Variants in RCL1 observed in about 807,000 individuals in gnomAD.
RCL1 encodes RNA terminal phosphate cyclase like 1.
RCL1 carries 24 observed loss-of-function variants against 42.4 expected under a neutral mutation model. That is an observed-to-expected ratio of 0.57 (90% CI 0.41 to 0.80). The LOEUF is 0.80. Ranked by LOEUF, RCL1 falls within the 30% of genes least tolerant of loss-of-function variation. RCL1 has a pLI of 0.00. For synonymous variants in RCL1, 228 were observed against 177.3 expected (o/e 1.29, Z -2.27); for missense variants, 578 against 467.9 (o/e 1.24, Z -2.17).
chr9:4,798,878 C>CTTTTTTTTTTTTTTTTTTTTTTTTTT (rs33938649), intron 1 of RCL1, among the ~76,000 whole-genome samples: 1 of 139,800 alleles, frequency 7.2e-6, no homozygotes. Context: ...AAGACTTCTT[C>CTTTTTTTTTTTTTTTTTTTTTTTTTT]TTTTTTTTTT....
intron 1 of RCL1, among the ~76,000 whole-genome samples, chr9:4,816,809 A>T (rs912254969): frequency 1.3e-5 from 2 of 151,812 alleles, no homozygotes; most frequent in African/African-American, 2.4e-5. Context: ...GCTTTGGGTA[A>T]TAATAATAAT....
In RCL1 at chr9:4,844,816, T is replaced by G. The variant is rs892727157; in HGVS notation, c.867+135T>G. On this transcript the variant is annotated intron_variant, in intron 7 of 8. Coordinates refer to ENST00000381750, the MANE Select transcript of RCL1 (RefSeq NM_005772.5). ...AATCTGTTCCTGTGCATTAAGCAGT[T>G]CAGCCTTAACTAGTTTAATTGATTA... The G allele has an allele frequency of 9.4e-6, 8 of 849,668 alleles. No individual in the cohort carries two copies. The African/African-American group carries it at 1.4e-4, about 14-fold the overall frequency. 52.6% of individuals were successfully genotyped at this position (849,668 alleles called of 1,614,324 possible). A position where few individuals can be genotyped will look rare whatever the true frequency, so the allele number is the denominator to read the frequency against.
chr9:4,834,800 T>C (rs1359235076), intron 5 of RCL1, among the ~76,000 whole-genome samples: 1 of 152,216 alleles, frequency 6.6e-6, no homozygotes, highest in Non-Finnish European at 1.5e-5. Context: ...CTTTACATGC[T>C]TTTAAGCCTC....
intron 1 of RCL1, among the ~76,000 whole-genome samples, chr9:4,811,105 C>G (rs1587700804): frequency 6.6e-6 from 1 of 151,916 alleles, no homozygotes; most frequent in Admixed American, 6.6e-5. Context: ...ATAGCAGACC[C>G]CATCTCCACA....
chr9:4,825,233 C>T (rs1046976959), intron 2 of RCL1, among the ~76,000 whole-genome samples: 1 of 152,284 alleles, frequency 6.6e-6, no homozygotes. Context: ...AGGAGTAAGA[C>T]ATTTACATGA....
chr9:4,851,942 G>A (rs965450864), intron 8 of RCL1, among the ~76,000 whole-genome samples: 4 of 143,316 alleles, frequency 2.8e-5, no homozygotes, highest in Non-Finnish European at 3.0e-5. Flanking sequence ...GGGCAGAGGC[G>A]CAATCTCCGC....
rs556806307 is a variant in RCL1, at chr9:4,855,187, G to A, written c.972-4938G>A. On this transcript the variant is annotated intron_variant, in intron 8 of 8. Coordinates refer to ENST00000381750, the MANE Select transcript of RCL1 (RefSeq NM_005772.5). ...TGTTTTCTGAAAATCATTTTGTCCC[G>A]GGGAAAAAAAAAGCCTCACTGCAGA... 3.3e-5 allele frequency among the ~76,000 whole-genome samples: 5 copies of A among 151,874 alleles called. No homozygotes were observed. In the South Asian group the frequency reaches 1.0e-3, roughly 31 times the overall value.
rs71326137 is a variant in RCL1 at position 4,806,587 on chromosome 9, TACACACACACACACACAC to T, written c.136+13390_136+13407del. The stretch of plus-strand genomic sequence containing the variant: ...TTCCTGGAATAGATTCTACTTGATC[TACACACACACACACACAC>T]ACACACACACACACACACACACACA... On this transcript the variant is annotated intron_variant, in intron 1 of 8. Transcript: ENST00000381750. Among the ~76,000 whole-genome samples the T allele has an allele frequency of 2.4e-3, 324 of 135,768 alleles. 9 individuals are homozygous for T. The East Asian group carries it at 0.049, about 20-fold the overall frequency. The allele number at this position is 135,768 out of a possible 152,430, so 89.1% of individuals were successfully genotyped here.
At chr9:4,837,630 G>T (rs1237679958) in intron 5 of RCL1, among the ~76,000 whole-genome samples, 1 of 152,112 alleles carries the variant, frequency 6.6e-6, no homozygotes, top group East Asian at 1.9e-4. Context: ...GTTCTCTCTG[G>T]GTGTGCAGAT....
At chr9:4,806,595 C>T (rs1815978612) in intron 1 of RCL1, among the ~76,000 whole-genome samples, 1 of 135,022 alleles carries the variant, frequency 7.4e-6, no homozygotes, top group Admixed American at 7.0e-5. Context: ...TCTACACACA[C>T]ACACACACAC....
intron 6 of RCL1, among the ~76,000 whole-genome samples, chr9:4,841,689 C>T (rs1817336009): frequency 6.6e-6 from 1 of 152,206 alleles, no homozygotes; most frequent in Non-Finnish European, 1.5e-5. Context: ...GGTTCTTCCA[C>T]CCTGAGTAAA....
chr9:4,822,929 A>T (rs996265106), intron 1 of RCL1, among the ~76,000 whole-genome samples: 2 of 152,236 alleles, frequency 1.3e-5, no homozygotes, highest in African/African-American at 4.8e-5. Flanking sequence ...TTTCTCATGC[A>T]TTAAAAAAAG....
rs754992339 is a variant in RCL1 at position 4,860,212 on chromosome 9, G to A, written c.1059G>A (p.Gly353=). ...CATGTGGTGAAGAACTCAAGGGTGGGGATAAAGTGCTGATGACCTGTGTTG... is the reference window on the plus strand; with the variant it reads ...CATGTGGTGAAGAACTCAAGGGTGGAGATAAAGTGCTGATGACCTGTGTTG... The part of the protein sequence containing the change: ...TKPCGEELKG[G]DKVLMTCVGI... Residue 353 remains glycine, a synonymous_variant, in exon 9 of 9, where the codon GGG becomes GGA. Coordinates refer to ENST00000381750, the MANE Select transcript of RCL1 (RefSeq NM_005772.5). The A allele has an allele frequency of 1.9e-6, 3 of 1,612,880 alleles. No individual in the cohort carries two copies. Among genetic ancestry groups the A allele is most frequent in the Non-Finnish European group, 8.5e-7 (1 of 1,179,508 alleles).
intron 8 of RCL1, among the ~76,000 whole-genome samples, chr9:4,854,842 G>A (rs923722720): frequency 2.0e-5 from 3 of 152,022 alleles, no homozygotes; most frequent in Admixed American, 6.6e-5. Context: ...AGATCACGAG[G>A]TCAGGAGTTC....
chr9:4,821,506 T>C (rs1816595741), intron 1 of RCL1, among the ~76,000 whole-genome samples: 1 of 152,194 alleles, frequency 6.6e-6, no homozygotes, highest in African/African-American at 2.4e-5. Context: ...AGAAAAGAAA[T>C]TTATCACAGT....
chr9:4,854,283 G>C (rs1035340405), intron 8 of RCL1, among the ~76,000 whole-genome samples: 1 of 152,144 alleles, frequency 6.6e-6, no homozygotes, highest in Non-Finnish European at 1.5e-5. Flanking sequence ...ATTTCATTTG[G>C]AGCAGAGGTC....
chr9:4,821,117 T>C (rs1223262686), intron 1 of RCL1, among the ~76,000 whole-genome samples: 1 of 152,160 alleles, frequency 6.6e-6, no homozygotes, highest in African/African-American at 2.4e-5. Flanking sequence ...AGTGTCGTGG[T>C]GTGGCTAAGA....
At chr9:4,844,706 GAGGAGTGACC>G in intron 7 of RCL1, 25 bp downstream of exon 7, 1 of 1,597,854 alleles carries the variant, frequency 6.3e-7, no homozygotes, top group Non-Finnish European at 8.5e-7. Flanking sequence ...TCCTCTGATA[GAGGAGTGACC>G]AGGAAGCAGT....
intron 2 of RCL1, among the ~76,000 whole-genome samples, chr9:4,824,609 T>C (rs1182127534): frequency 6.6e-6 from 1 of 152,228 alleles, no homozygotes; most frequent in Non-Finnish European, 1.5e-5. Flanking sequence ...AAACATCCGT[T>C]GGCTGACTCC....
Sources: allele counts gnomAD v4.1 joint callset (sites outside exome capture counted in the v4.1 genomes callset), GRCh38; gene constraint gnomAD v4.1.1; transcripts MANE v1.5; gene names NCBI Gene and HGNC (gene_info 2026-07-23, HGNC 2026-07-21).